Variants in TBC1D15 observed in about 807,000 individuals in gnomAD.
TBC1D15 encodes the protein TBC1 domain family member 15.
Under a neutral mutation model 95.4 loss-of-function variants are expected in TBC1D15, and 39 were observed. The ratio of observed to expected loss-of-function variants is 0.41; its 90% CI spans 0.32 to 0.53. TBC1D15 has a LOEUF of 0.53. Ranked by LOEUF, TBC1D15 falls within the 20% of genes least tolerant of loss-of-function variation. The pLI is 0.29. For missense variants in TBC1D15, 733 were observed against 794.3 expected, an observed-to-expected ratio of 0.92 and a Z score of 0.93; for synonymous variants, 258 against 261.3, an observed-to-expected ratio of 0.99 and a Z score of 0.12.
chr12:71,852,134 T>C (rs191254062), intron 1 of TBC1D15, among the ~76,000 whole-genome samples: 1 of 152,160 alleles, frequency 6.6e-6, no homozygotes, highest in Admixed American at 6.5e-5. Flanking sequence ...AGGCTTAACA[T>C]CATGTGGAAA....
chr12:71,897,999 AAGAGT>A, intron 10 of TBC1D15, 58 bp downstream of exon 10: 1 of 1,262,606 alleles, frequency 7.9e-7, no homozygotes, highest in South Asian at 1.2e-5. Flanking sequence ...AAATCTTGAT[AAGAGT>A]AAAGAAGTGA....
At chr12:71,872,003 A>G (rs1892806148) in intron 1 of TBC1D15, 67 bp from the exon 2 acceptor site, 1 of 626,604 alleles carries the variant, frequency 1.6e-6, no homozygotes, top group Admixed American at 3.1e-5. Flanking sequence ...ATATATCTTA[A>G]TATTTTAACA....
chr12:71,872,944 G>T lies in TBC1D15; in HGVS notation c.145G>T (p.Val49Leu), dbSNP rs752755940. Residue 49 changes from valine to leucine, a missense_variant, in exon 3 of 17, where the codon GTG (valine) becomes TTG (leucine). Physicochemically the swap from Val to Leu is conservative, Grantham distance 32. Coordinates refer to ENST00000485960, the MANE Select transcript of TBC1D15 (RefSeq NM_001146213.3). ...CTTTCTCTAGGATGCCGAAGTAATA[G>T]TGGACTGGAGACCATTGGATGATGC... Reference protein sequence around the residue: ...RVLEKDAEVIVDWRPLDDALD... With the variant: ...RVLEKDAEVILDWRPLDDALD... 3 of 1,607,444 alleles carry T rather than the reference G, an allele frequency of 1.9e-6. No individual in the cohort carries two copies. Among genetic ancestry groups the T allele is most frequent in the Non-Finnish European group, 1.7e-6 (2 of 1,177,482 alleles).
chr12:71,859,083 G>A (rs1413727058), intron 1 of TBC1D15, among the ~76,000 whole-genome samples: 1 of 151,448 alleles, frequency 6.6e-6, no homozygotes, highest in African/African-American at 2.4e-5. Flanking sequence ...TTGCTAATTA[G>A]TGATGTTGAA....
chr12:71,866,619 T>C (rs1212499968), intron 1 of TBC1D15, among the ~76,000 whole-genome samples: 10 of 152,182 alleles, frequency 6.6e-5, no homozygotes, highest in Non-Finnish European at 1.5e-4. Context: ...CCCTCAGTTA[T>C]TATTTTTATT....
chr12:71,881,786 G>T (rs143161288), intron 4 of TBC1D15, among the ~76,000 whole-genome samples: 2 of 152,024 alleles, frequency 1.3e-5, no homozygotes, highest in Middle Eastern at 6.8e-3. Context: ...GCGTGGTGGC[G>T]CATGCCTGTA....
chr12:71,872,959 T>C lies in TBC1D15; in HGVS notation c.160T>C (p.Leu54=), dbSNP rs1893004729. The C allele has an allele frequency of 1.9e-6, 3 of 1,610,292 alleles. No homozygotes were observed. The highest frequency in any genetic ancestry group is 2.7e-5 in the African/African-American group (2 of 74,952). The change falls in exon 3 of 17, where the codon TTG becomes CTG. Residue 54 remains leucine, a synonymous_variant. Transcript: ENST00000485960. ...DAEVIVDWRP[L]DDALDSSSIL... is the part of the protein sequence containing the mutation. ...CGAAGTAATAGTGGACTGGAGACCA[T>C]TGGATGATGCATTAGATTCCTCTAG...
intron 1 of TBC1D15, among the ~76,000 whole-genome samples, chr12:71,843,123 A>G (rs1400819463): frequency 6.6e-6 from 1 of 152,040 alleles, no homozygotes; most frequent in Non-Finnish European, 1.5e-5. Flanking sequence ...TGTCTTTACT[A>G]AAAATACAAA....
intron 1 of TBC1D15, among the ~76,000 whole-genome samples, chr12:71,840,177 T>C (rs1476683261): frequency 6.6e-6 from 1 of 152,216 alleles, no homozygotes; most frequent in African/African-American, 2.4e-5. Context: ...CAGCGTCTTT[T>C]CTCTCTTTGA....
At chr12:71,890,007 G>A (rs543103050) in intron 5 of TBC1D15, among the ~76,000 whole-genome samples, 2 of 152,254 alleles carry the variant, frequency 1.3e-5, no homozygotes, top group Admixed American at 1.3e-4. Context: ...ATTCCATGGT[G>A]TATATATACC....
chr12:71,909,858 A>G (rs1000260830), intron 11 of TBC1D15, among the ~76,000 whole-genome samples: 3 of 152,174 alleles, frequency 2.0e-5, no homozygotes, highest in Non-Finnish European at 2.9e-5. Context: ...TGAGATCACT[A>G]AATGCCAATT....
chr12:71,912,596 T>G (rs2138998159), intron 11 of TBC1D15, among the ~76,000 whole-genome samples: 1 of 152,274 alleles, frequency 6.6e-6, no homozygotes, highest in African/African-American at 2.4e-5. Context: ...AGATCATTTT[T>G]TAAAGTTTTC....
intron 6 of TBC1D15, 144 bp downstream of exon 6, chr12:71,893,468 G>A (rs994605896): frequency 9.5e-6 from 4 of 423,116 alleles, no homozygotes; most frequent in African/African-American, 8.2e-5. Flanking sequence ...AATCTTTTTG[G>A]AACTATTCTC....
intron 3 of TBC1D15, among the ~76,000 whole-genome samples, chr12:71,878,975 C>A (rs1249716368): frequency 1.3e-5 from 2 of 151,888 alleles, no homozygotes; most frequent in Non-Finnish European, 2.9e-5. Flanking sequence ...TTTCTTGTGC[C>A]TTTATAGTTT....
intron 1 of TBC1D15, chr12:71,868,859 G>A (rs957766487): frequency 6.6e-6 from 1 of 152,134 alleles, no homozygotes; most frequent in Non-Finnish European, 1.5e-5. Context: ...TGAGAGTTAG[G>A]AAGTTCCCGA....
At chr12:71,870,709 A>G (rs1892486250) in intron 1 of TBC1D15, among the ~76,000 whole-genome samples, 1 of 152,146 alleles carries the variant, frequency 6.6e-6, no homozygotes, top group Non-Finnish European at 1.5e-5. Context: ...CACCACTTTC[A>G]GTTGTCTTAT....
Position 71,854,905 on chromosome 12 carries a change from C to A in TBC1D15, c.30+15094C>A, listed in dbSNP as rs1225370017. On this transcript the variant is annotated intron_variant, in intron 1 of 16. Transcript: ENST00000485960. ...ATCATGTTTTCCATCAGACAAAATT[C>A]CTTCAGTACCCTTGAGATTTGATTT... The A allele has an allele frequency of 6.6e-6, 3 of 454,740 alleles. No homozygotes were observed. The East Asian group carries it at 2.1e-4, about 32-fold the overall frequency. 28.2% of individuals were successfully genotyped at this position (454,740 alleles called of 1,614,324 possible).
At chr12:71,869,084 T>C (rs574154118) in intron 1 of TBC1D15, among the ~76,000 whole-genome samples, 1 of 152,218 alleles carries the variant, frequency 6.6e-6, no homozygotes. Flanking sequence ...ATATTTGTCA[T>C]CTCACATAGT....
intron 1 of TBC1D15, among the ~76,000 whole-genome samples, chr12:71,843,769 G>A (rs1049494089): frequency 1.3e-5 from 2 of 152,090 alleles, no homozygotes; most frequent in African/African-American, 2.4e-5. Flanking sequence ...AATTATTCAC[G>A]TCTCCTATCT....
Sources: allele counts gnomAD v4.1 joint callset (sites outside exome capture counted in the v4.1 genomes callset), GRCh38; gene constraint gnomAD v4.1.1; transcripts MANE v1.5; gene names NCBI Gene and HGNC (gene_info 2026-07-23, HGNC 2026-07-21).